MRE11: variants seen among roughly 807,000 people sequenced by gnomAD.
MRE11 encodes the protein double-strand break repair protein MRE11.
A neutral mutation model predicts 91.7 loss-of-function variants in MRE11; 62 were observed. The ratio of observed to expected loss-of-function variants is 0.68; its 90% confidence interval spans 0.55 to 0.84. MRE11 has a LOEUF of 0.84. Among genes scored for constraint, MRE11 ranks in the 40% least tolerant of loss-of-function variants. The pLI is 0.00. For missense variants in MRE11, 796 were observed against 852.9 expected (o/e 0.93, Z 0.83); for synonymous variants, 273 against 271.4 (o/e 1.01, Z -0.06).
the MRE11 span, among the ~76,000 whole-genome samples, chr11:94,500,715 C>T: frequency 6.6e-6 from 1 of 152,132 alleles, no homozygotes; most frequent in African/African-American, 2.4e-5. Context: ...TTTTATGAAT[C>T]TTAAATATGC....
chr11:94,454,116 C>CA (rs1391516337), intron 14 of MRE11, among the ~76,000 whole-genome samples: 1 of 149,898 alleles, frequency 6.7e-6, no homozygotes. Flanking sequence ...CTCTGTCATC[C>CA]AGGTTGGAGT....
At chr11:94,459,202 C>T (rs181642988) in intron 13 of MRE11, among the ~76,000 whole-genome samples, 1 of 152,302 alleles carries the variant, frequency 6.6e-6, no homozygotes, top group Admixed American at 6.5e-5. Flanking sequence ...GAACAAAACA[C>T]TTTAGTACCA....
At chr11:94,464,276 A>G in intron 10 of MRE11, 37 bp from the exon 11 acceptor site, 1 of 1,613,282 alleles carries the variant, frequency 6.2e-7, no homozygotes, top group Non-Finnish European at 8.5e-7. Flanking sequence ...GCTAGGAAAC[A>G]ACAATTTGCC....
Position 94,416,270 on chromosome 11 carries a change from C to T in MRE11, c.*3855G>A, listed in dbSNP as rs1945030791. On this transcript the variant is annotated 3_prime_UTR_variant, in exon 20 of 20. Coordinates refer to ENST00000323929, the MANE Select transcript of MRE11 (RefSeq NM_005591.4). The stretch of plus-strand genomic sequence containing the variant: ...AAGAATAAAAATGCATTGCTTTCAC[C>T]ACTTAAAAAGAGCTAAAATCAGATC... 1 of 152,146 alleles carries T rather than the reference C, an allele frequency of 6.6e-6. No homozygotes were observed. Among genetic ancestry groups the T allele is most frequent in the Non-Finnish European group, 1.5e-5 (1 of 68,038 alleles). 9.4% of individuals were successfully genotyped at this position (152,146 alleles called of 1,614,324 possible). A position where few individuals can be genotyped will look rare whatever the true frequency, so the allele number is the denominator to read the frequency against.
At chr11:94,496,156 G>T (rs2135160371), upstream of MRE11, among the ~76,000 whole-genome samples, 1 of 152,156 alleles carries the variant, frequency 6.6e-6, no homozygotes, top group East Asian at 1.9e-4. Context: ...TCCTTTTGGG[G>T]GCTATTCCAT....
chr11:94,502,915 T>C, the MRE11 span, among the ~76,000 whole-genome samples: 1 of 152,178 alleles, frequency 6.6e-6, no homozygotes, highest in South Asian at 2.1e-4. Context: ...CCTCAAGTAA[T>C]CTGCTGGTCT....
At chr11:94,501,772 C>T in the MRE11 span, among the ~76,000 whole-genome samples, 1 of 151,790 alleles carries the variant, frequency 6.6e-6, no homozygotes, top group African/African-American at 2.4e-5. Context: ...AAAAAAAAAC[C>T]CCTCGGTTTT....
intron 3 of MRE11, among the ~76,000 whole-genome samples, chr11:94,489,230 G>A (rs1947222629): frequency 6.6e-6 from 1 of 151,872 alleles, no homozygotes; most frequent in African/African-American, 2.4e-5. Flanking sequence ...GGTAAGACTT[G>A]AACTCTCAGA....
At chr11:94,459,612 T>C (rs755029614) in intron 12 of MRE11, 31 bp from the exon 13 acceptor site, 3 of 1,604,884 alleles carry the variant, frequency 1.9e-6, no homozygotes, top group African/African-American at 1.3e-5. Flanking sequence ...GATGCAGAAA[T>C]AGTTTTTATT....
chr11:94,471,401 T>A (rs1418126881), intron 8 of MRE11, among the ~76,000 whole-genome samples, 173 bp downstream of exon 8: 3 of 151,894 alleles, frequency 2.0e-5, no homozygotes, highest in African/African-American at 7.2e-5. Context: ...TGGCTTAAAA[T>A]CTGGAAAAAC....
chr11:94,466,679 C>T, intron 10 of MRE11: 1 of 258,114 alleles, frequency 3.9e-6, no homozygotes, highest in Non-Finnish European at 8.4e-6. Context: ...GTACTCTTTA[C>T]CTCCACAGTC....
intron 14 of MRE11, among the ~76,000 whole-genome samples, chr11:94,454,768 T>C (rs1266472025): frequency 2.0e-5 from 3 of 152,158 alleles, no homozygotes; most frequent in Non-Finnish European, 2.9e-5. Context: ...AAATTGAGGT[T>C]TGTCGCTTCA....
At chr11:94,475,051 C>T (rs1247387336) in intron 7 of MRE11, among the ~76,000 whole-genome samples, 1 of 152,068 alleles carries the variant, frequency 6.6e-6, no homozygotes, top group Non-Finnish European at 1.5e-5. Context: ...CCTCTTAAAC[C>T]CTTTCTTTTA....
upstream of MRE11, among the ~76,000 whole-genome samples, chr11:94,496,062 C>T (rs1947414063): frequency 6.6e-6 from 1 of 152,086 alleles, no homozygotes; most frequent in Non-Finnish European, 1.5e-5. Context: ...TTTCCTAGGC[C>T]TGAAATTATC....
chr11:94,433,796 T>C (rs1283859501), intron 18 of MRE11, among the ~76,000 whole-genome samples: 1 of 152,228 alleles, frequency 6.6e-6, no homozygotes, highest in East Asian at 1.9e-4. Context: ...CGGGTATGTG[T>C]TTATCAGCAG....
At chr11:94,435,363 T>C (rs1294852517) in intron 18 of MRE11, among the ~76,000 whole-genome samples, 1 of 152,066 alleles carries the variant, frequency 6.6e-6, no homozygotes, top group Non-Finnish European at 1.5e-5. Flanking sequence ...AAGACCAGCT[T>C]GGGCAACATG....
At chr11:94,485,903 C>G in intron 4 of MRE11, 21 bp downstream of exon 4, 1 of 1,605,882 alleles carries the variant, frequency 6.2e-7, no homozygotes, top group Non-Finnish European at 8.5e-7. Flanking sequence ...ATCACTCACT[C>G]AAGTAAATAA....
rs1373829332 is a variant in MRE11 at position 94,456,343 on chromosome 11, A to T, written c.1501-5T>A. ...GGTTTCTCTGAAACGACGTACCTAG[A>T]TCATAACAGAGTAAATCACAAACAT... is the stretch of plus-strand genomic sequence containing the variant. On this transcript the variant is annotated splice_polypyrimidine_tract_variant and splice_region_variant and intron_variant, in intron 13 of 19. Coordinates refer to ENST00000323929, the MANE Select transcript of MRE11 (RefSeq NM_005591.4). 1 of 1,609,150 alleles carries T rather than the reference A, an allele frequency of 6.2e-7. No homozygotes were observed. Among genetic ancestry groups the T allele is most frequent in the Non-Finnish European group, 8.5e-7 (1 of 1,175,802 alleles).
At chr11:94,483,110 T>C (rs1210725149) in intron 4 of MRE11, among the ~76,000 whole-genome samples, 1 of 151,936 alleles carries the variant, frequency 6.6e-6, no homozygotes, top group Non-Finnish European at 1.5e-5. Flanking sequence ...CATAAACATT[T>C]TCATGTGGAC....
Sources: gnomAD v4.1 joint callset for allele counts (sites outside exome capture counted in the v4.1 genomes callset) on GRCh38, gnomAD v4.1.1 for gene constraint, MANE v1.5 for transcripts, NCBI Gene and HGNC (gene_info 2026-07-23, HGNC 2026-07-21) for gene names.